The following NKD1 variants were observed in gnomAD, a reference collection of about 807,000 sequenced individuals.
The protein encoded by NKD1 is NKD inhibitor of Wnt signaling pathway 1, also known as protein naked cuticle homolog 1.
Under a neutral mutation model 56.0 loss-of-function variants are expected in NKD1, and 21 were observed. The ratio of observed to expected loss-of-function variants is 0.38; its 90% CI spans 0.27 to 0.54. The LOEUF is 0.54. Among genes scored for constraint, NKD1 ranks in the 20% least tolerant of loss-of-function variants. The pLI, the probability that NKD1 is intolerant of heterozygous loss-of-function variation, is 0.82. For synonymous variants in NKD1, 263 were observed against 265.7 expected, an observed-to-expected ratio of 0.99 and a Z score of 0.10; for missense variants, 578 against 642.7, an observed-to-expected ratio of 0.90 and a Z score of 1.09.
chr16:50,595,927 G>A (rs1961462247), intron 3 of NKD1, among the ~76,000 whole-genome samples: 1 of 152,212 alleles, frequency 6.6e-6, no homozygotes. Context: ...ATCTTTGGTT[G>A]CCTGAGAATG....
intron 3 of NKD1, among the ~76,000 whole-genome samples, chr16:50,596,137 G>A (rs1169232348): frequency 6.6e-6 from 1 of 152,222 alleles, no homozygotes; most frequent in Non-Finnish European, 1.5e-5. Flanking sequence ...AGGCATGGGT[G>A]TGGCTGTGGC....
chr16:50,628,971 T>TA (rs1962283916), intron 6 of NKD1, among the ~76,000 whole-genome samples: 1 of 150,858 alleles, frequency 6.6e-6, no homozygotes, highest in Non-Finnish European at 1.5e-5. Flanking sequence ...TTTTTTTTTT[T>TA]TATTTTAAAC....
intron 3 of NKD1, among the ~76,000 whole-genome samples, chr16:50,553,065 T>C (rs1020992873): frequency 6.6e-6 from 1 of 152,014 alleles, no homozygotes; most frequent in Non-Finnish European, 1.5e-5. Flanking sequence ...GAAAGCAAAA[T>C]AAGCATCATA....
intron 3 of NKD1, chr16:50,606,891 G>T (rs1961724158): frequency 2.2e-6 from 1 of 456,472 alleles, no homozygotes; most frequent in African/African-American, 2.0e-5. Context: ...GGCTGCTGGG[G>T]CGTCCCAGCC....
intron 3 of NKD1, among the ~76,000 whole-genome samples, chr16:50,563,132 C>A (rs112986859): frequency 1.9e-3 from 286 of 152,344 alleles, no homozygotes; most frequent in African/African-American, 6.3e-3. Flanking sequence ...AATGTGACCA[C>A]TGGGACTCAG....
rs140588649 is a variant in NKD1 at position 50,595,644 on chromosome 16, C to T, written c.193-12650C>T. Among the ~76,000 whole-genome samples the T allele has an allele frequency of 2.6e-3, 403 of 152,340 alleles. 4 individuals are homozygous for T. In the East Asian group the frequency reaches 0.051, roughly 19 times the overall value. Reference sequence around the variant, plus strand: ...TCCCCATCTGTAAAAACAGCAATAGCTCACACGTGGACCTCCTGGGGTTGT... The same window carrying T: ...TCCCCATCTGTAAAAACAGCAATAGTTCACACGTGGACCTCCTGGGGTTGT... On this transcript the variant is annotated intron_variant, in intron 3 of 9. Coordinates refer to ENST00000268459, the MANE Select transcript of NKD1 (RefSeq NM_033119.5).
rs1962587694 is a variant in NKD1, at chr16:50,641,953, A to G, written c.*8172A>G. On this transcript the variant is annotated 3_prime_UTR_variant, in exon 10 of 10. Transcript: ENST00000268459. ...AAGACAGGTGGAAAGCCCCAACTCA[A>G]AAGACTGGCTGGATTGTACCCGGCT... 2 of 152,242 alleles carry G rather than the reference A, an allele frequency of 1.3e-5. No individual in the cohort carries two copies. The highest frequency in any genetic ancestry group is 1.3e-4 in the Admixed American group (2 of 15,282). 9.4% of individuals were successfully genotyped at this position (152,242 alleles called of 1,614,324 possible).
intron 3 of NKD1, among the ~76,000 whole-genome samples, chr16:50,586,745 C>T (rs1393302142): frequency 6.6e-6 from 1 of 152,208 alleles, no homozygotes; most frequent in Non-Finnish European, 1.5e-5. Flanking sequence ...TCTGTGCATC[C>T]TGTACAGAAG....
At chr16:50,615,533 G>A (rs571432894) in intron 4 of NKD1, among the ~76,000 whole-genome samples, 1 of 152,290 alleles carries the variant, frequency 6.6e-6, no homozygotes, top group African/African-American at 2.4e-5. Flanking sequence ...TTGCAGAGCT[G>A]GAAAGAGTGT....
rs202185392 is a variant in NKD1 at position 50,630,315 on chromosome 16, G to A, written c.592G>A (p.Val198Ile). The change falls in exon 7 of 10, where the codon GTC becomes ATC. Residue 198 changes from valine (V) to isoleucine (I), a missense_variant. Transcript: ENST00000268459. ...CGATGGCAGCCAGAGCAAGAGGAGC[G>A]TCCTTGTCAATCAGGCTGGTGAGGG... The part of the protein sequence containing the change: ...APDGSQSKRS[V>I]LVNQADLQSA... 2.9e-5 allele frequency: 46 copies of A among 1,614,024 alleles called. No homozygotes were observed. The highest frequency in any genetic ancestry group is 1.5e-4 in the South Asian group (14 of 91,086).
chr16:50,565,791 T>C (rs1170847111), intron 3 of NKD1, among the ~76,000 whole-genome samples: 1 of 152,248 alleles, frequency 6.6e-6, no homozygotes, highest in Non-Finnish European at 1.5e-5. Context: ...TCTTAATACA[T>C]AACTTTTTAA....
intron 3 of NKD1, among the ~76,000 whole-genome samples, chr16:50,565,098 G>A (rs1960728322): frequency 1.3e-5 from 2 of 152,218 alleles, no homozygotes; most frequent in Non-Finnish European, 2.9e-5. Flanking sequence ...TATAGAGGCT[G>A]GGTGTGGTGG....
chr16:50,591,266 C>A (rs184787705), intron 3 of NKD1, among the ~76,000 whole-genome samples: 5 of 152,390 alleles, frequency 3.3e-5, no homozygotes, highest in African/African-American at 1.2e-4. Flanking sequence ...GCGCTTCTCT[C>A]TCCATCTGTA....
chr16:50,615,404 A>G (rs1961938599), intron 4 of NKD1, among the ~76,000 whole-genome samples: 1 of 152,214 alleles, frequency 6.6e-6, no homozygotes, highest in African/African-American at 2.4e-5. Flanking sequence ...AATGAGTGAT[A>G]TAATGATGGT....
intron 3 of NKD1, among the ~76,000 whole-genome samples, chr16:50,560,022 G>C (rs943825155): frequency 6.6e-6 from 1 of 152,180 alleles, no homozygotes; most frequent in East Asian, 1.9e-4. Context: ...GTGCTGGTGT[G>C]TGGTGCCATG....
At chr16:50,567,332 C>G (rs1339814899) in intron 3 of NKD1, among the ~76,000 whole-genome samples, 1 of 152,178 alleles carries the variant, frequency 6.6e-6, no homozygotes, top group African/African-American at 2.4e-5. Flanking sequence ...CCCAGTAAAC[C>G]GGTCTCCATT....
chr16:50,604,435 T>G, intron 3 of NKD1, among the ~76,000 whole-genome samples: 1 of 152,198 alleles, frequency 6.6e-6, no homozygotes, highest in East Asian at 1.9e-4. Context: ...AGCAGTGTTC[T>G]GGTCACCATA....
intron 3 of NKD1, chr16:50,574,654 AG>A (rs1210264910): frequency 2.0e-6 from 2 of 985,262 alleles, no homozygotes; most frequent in African/African-American, 3.5e-5. Context: ...GCCAGGAGCC[AG>A]GGGGTCCCCT....
chr16:50,592,184 G>A (rs1961381392), intron 3 of NKD1, among the ~76,000 whole-genome samples: 1 of 152,176 alleles, frequency 6.6e-6, no homozygotes. Flanking sequence ...AGTCCACATT[G>A]GCCTTGGATC....
Sources: gnomAD v4.1 joint callset for allele counts (sites outside exome capture counted in the v4.1 genomes callset) on GRCh38, gnomAD v4.1.1 for gene constraint, MANE v1.5 for transcripts, NCBI Gene and HGNC (gene_info 2026-07-23, HGNC 2026-07-21) for gene names.